Variants in RHOU observed in about 807,000 individuals in gnomAD.
RHOU encodes ras homolog family member U.
RHOU carries 8 observed loss-of-function variants against 12.6 expected under a neutral mutation model. The ratio of observed to expected loss-of-function variants is 0.64; its 90% CI spans 0.37 to 1.15. The LOEUF (loss-of-function observed/expected upper bound fraction) is 1.15, where lower values mean the gene tolerates loss of function less well. RHOU is among the 50% of genes most tolerant of loss of function. The pLI is 0.01. For missense variants in RHOU, 258 were observed against 347.0 expected (o/e 0.74, Z 2.04); for synonymous variants, 161 against 147.4 (o/e 1.09, Z -0.67).
chr1:228,720,644 TACTGATCTCAGAATTCTGG>T, the RHOU span, among the ~76,000 whole-genome samples: 2 of 152,156 alleles, frequency 1.3e-5, no homozygotes, highest in Non-Finnish European at 2.9e-5. Context: ...CCTGCCGAAA[TACTGATCTCAGAATTCTGG>T]ACTCCAAAAC....
the RHOU span, among the ~76,000 whole-genome samples, chr1:228,686,524 A>G: frequency 1.3e-5 from 2 of 152,214 alleles, no homozygotes; most frequent in Non-Finnish European, 2.9e-5. Flanking sequence ...AGTTTCAGAA[A>G]TCTAGAGGAA....
At chr1:228,724,906 C>A in the RHOU span, among the ~76,000 whole-genome samples, 1 of 152,110 alleles carries the variant, frequency 6.6e-6, no homozygotes, top group Non-Finnish European at 1.5e-5. Context: ...GTAAAGACAC[C>A]CACTGATACA....
chr1:228,671,222 C>T, the RHOU span, among the ~76,000 whole-genome samples: 1 of 152,094 alleles, frequency 6.6e-6, no homozygotes, highest in Non-Finnish European at 1.5e-5. Flanking sequence ...CAAGGCTGGT[C>T]TCAAACTCCT....
chr1:228,736,119 C>A, intron 1 of RHOU, 115 bp downstream of exon 1: 1 of 1,074,826 alleles, frequency 9.3e-7, no homozygotes, highest in Non-Finnish European at 1.3e-6. Flanking sequence ...CCGGGCGCGG[C>A]TCCAGCTGGG....
the RHOU span, among the ~76,000 whole-genome samples, chr1:228,653,215 C>T: frequency 1.6e-4 from 24 of 152,088 alleles, no homozygotes; most frequent in Non-Finnish European, 2.5e-4. Flanking sequence ...GTGGCACGAT[C>T]GTGGCTCACT....
the RHOU span, among the ~76,000 whole-genome samples, chr1:228,664,051 T>G: frequency 7.7e-6 from 1 of 129,504 alleles, no homozygotes; most frequent in South Asian, 2.9e-4. Context: ...TTTTCTTATC[T>G]TCTGTCGCCC....
At chr1:228,707,459 C>G in the RHOU span, among the ~76,000 whole-genome samples, 1 of 151,340 alleles carries the variant, frequency 6.6e-6, no homozygotes, top group African/African-American at 2.4e-5. Context: ...AGCTGGAGAT[C>G]TGAGAACGGG....
the RHOU span, among the ~76,000 whole-genome samples, chr1:228,687,985 C>CCCTT: frequency 4.1e-5 from 6 of 145,128 alleles, no homozygotes; most frequent in Admixed American, 3.4e-4. Flanking sequence ...CTCCCTCCCT[C>CCCTT]CCTTCCTTCC....
the RHOU span, among the ~76,000 whole-genome samples, chr1:228,648,658 G>C: frequency 6.6e-6 from 1 of 151,834 alleles, no homozygotes; most frequent in Admixed American, 6.6e-5. Context: ...GGTTTTTCTT[G>C]ACATACCTGA....
chr1:228,646,754 G>T, the RHOU span, among the ~76,000 whole-genome samples: 2 of 151,984 alleles, frequency 1.3e-5, no homozygotes, highest in African/African-American at 2.4e-5. Context: ...AGACACACCC[G>T]TTCGTTCTCG....
At chr1:228,653,111 T>C in the RHOU span, among the ~76,000 whole-genome samples, 1 of 152,204 alleles carries the variant, frequency 6.6e-6, no homozygotes, top group African/African-American at 2.4e-5. Context: ...GTAAACAAAG[T>C]CTAAAGTCTG....
At chr1:228,662,280 C>T in the RHOU span, among the ~76,000 whole-genome samples, 1 of 152,174 alleles carries the variant, frequency 6.6e-6, no homozygotes, top group Non-Finnish European at 1.5e-5. Context: ...GGCGATTCCT[C>T]AAGGATCTAG....
the RHOU span, among the ~76,000 whole-genome samples, chr1:228,704,269 T>A: frequency 6.6e-6 from 1 of 152,140 alleles, no homozygotes; most frequent in Non-Finnish European, 1.5e-5. Flanking sequence ...AAAAGCAAGC[T>A]GTAACCCAAC....
At chr1:228,739,635 A>G (rs1172974120) in intron 2 of RHOU, among the ~76,000 whole-genome samples, 1 of 152,222 alleles carries the variant, frequency 6.6e-6, no homozygotes, top group Non-Finnish European at 1.5e-5. Context: ...TCAGACCCTG[A>G]GGATAAGATG....
At chr1:228,714,415 G>T in the RHOU span, among the ~76,000 whole-genome samples, 9 of 152,212 alleles carry the variant, frequency 5.9e-5, no homozygotes, top group East Asian at 1.5e-3. Flanking sequence ...TGAAGTTTTG[G>T]TAGAATTTCT....
chr1:228,675,789 T>C, the RHOU span, among the ~76,000 whole-genome samples: 1 of 152,002 alleles, frequency 6.6e-6, no homozygotes, highest in South Asian at 2.1e-4. Context: ...CTTACAGGAG[T>C]TTATATGATT....
chr1:228,697,542 G>A, the RHOU span, among the ~76,000 whole-genome samples: 20 of 152,256 alleles, frequency 1.3e-4, no homozygotes, highest in Admixed American at 6.5e-5. Flanking sequence ...GGAATTTAAG[G>A]GACGGAGAGA....
upstream of RHOU, among the ~76,000 whole-genome samples, chr1:228,732,417 T>C (rs1206019799): frequency 6.6e-6 from 1 of 152,172 alleles, no homozygotes; most frequent in Non-Finnish European, 1.5e-5. Flanking sequence ...CCCAGAAACA[T>C]GGACCCAAAT....
chr1:228,675,720 T>C, the RHOU span, among the ~76,000 whole-genome samples: 1 of 152,244 alleles, frequency 6.6e-6, no homozygotes. Context: ...ATTTCATATA[T>C]GAAAACTTAA....
Sources: gnomAD v4.1 joint callset for allele counts (sites outside exome capture counted in the v4.1 genomes callset) on GRCh38, gnomAD v4.1.1 for gene constraint, MANE v1.5 for transcripts, NCBI Gene and HGNC (gene_info 2026-07-23, HGNC 2026-07-21) for gene names.